G3BP2: variants seen among roughly 807,000 people sequenced by gnomAD.
G3BP2 encodes ras GTPase-activating protein-binding protein 2.
Under a neutral mutation model 56.7 loss-of-function variants are expected in G3BP2, and 11 were observed. The ratio of observed to expected loss-of-function variants is 0.19; its 90% CI spans 0.12 to 0.32. The LOEUF (loss-of-function observed/expected upper bound fraction) is 0.32, where lower values mean the gene tolerates loss of function less well. Ranked by LOEUF, G3BP2 falls within the 10% of genes least tolerant of loss-of-function variation. The pLI is 1.00. For synonymous variants in G3BP2, 165 were observed against 191.6 expected (o/e 0.86, Z 1.15); for missense variants, 340 against 610.9 (o/e 0.56, Z 4.67).
intron 3 of G3BP2, among the ~76,000 whole-genome samples, chr4:75,703,765 T>C (rs1719435306): frequency 6.6e-6 from 1 of 152,180 alleles, no homozygotes; most frequent in African/African-American, 2.4e-5. Context: ...GGATGGAAAA[T>C]GATCCTGAGC....
upstream of G3BP2, chr4:75,673,626 A>G: frequency 8.1e-7 from 1 of 1,230,368 alleles, no homozygotes; most frequent in Non-Finnish European, 1.0e-6. Context: ...AAGCCAAGAT[A>G]AGAGTCCGCT....
intron 4 of G3BP2, 134 bp downstream of exon 4, chr4:75,657,423 A>T: frequency 1.6e-6 from 1 of 641,888 alleles, no homozygotes; most frequent in Non-Finnish European, 2.7e-6. Flanking sequence ...ACACGCACTC[A>T]CTCAAACAAC....
rs1274224934 is a variant in G3BP2 at position 75,643,133 on chromosome 4, A to G, written c.*2297T>C. ...TACTGCAGGTGAACAATCACCATGT[A>G]AACTTCTCCATATGATGTTTTAATG... On this transcript the variant is annotated 3_prime_UTR_variant, in exon 12 of 12. Transcript: ENST00000359707. 3.9e-5 allele frequency: 6 copies of G among 152,262 alleles called. No homozygotes were observed. The highest frequency in any genetic ancestry group is 1.2e-4 in the African/African-American group (5 of 41,326). 9.4% of individuals were successfully genotyped at this position (152,262 alleles called of 1,614,324 possible). A position where few individuals can be genotyped will look rare whatever the true frequency, so the allele number is the denominator to read the frequency against.
upstream of G3BP2, among the ~76,000 whole-genome samples, chr4:75,677,503 G>A (rs543417327): frequency 6.6e-6 from 1 of 152,046 alleles, no homozygotes; most frequent in East Asian, 1.9e-4. Flanking sequence ...CCCAGGAGGC[G>A]GAGGTTGTGG....
intron 3 of G3BP2, among the ~76,000 whole-genome samples, chr4:75,707,867 A>G (rs1048790290): frequency 2.6e-5 from 4 of 152,230 alleles, no homozygotes; most frequent in Non-Finnish European, 5.9e-5. Flanking sequence ...CAGAATAAAA[A>G]TGTAAACATT....
intron 1 of G3BP2, among the ~76,000 whole-genome samples, chr4:75,671,133 C>T (rs1424447642): frequency 2.0e-5 from 3 of 152,134 alleles, no homozygotes; most frequent in African/African-American, 7.2e-5. Context: ...TTTATTCTAT[C>T]GGATATAAAA....
chr4:75,690,063 A>G (rs1359567098), intron 3 of G3BP2, among the ~76,000 whole-genome samples: 1 of 152,180 alleles, frequency 6.6e-6, no homozygotes, highest in Non-Finnish European at 1.5e-5. Context: ...TAAATATGTT[A>G]TATTTCAGGA....
intron 1 of G3BP2, among the ~76,000 whole-genome samples, chr4:75,723,469 A>T (rs1720261440): frequency 6.6e-6 from 1 of 152,240 alleles, no homozygotes; most frequent in Non-Finnish European, 1.5e-5. Flanking sequence ...TCTATGTCAC[A>T]GGCACAGAGG....
intron 3 of G3BP2, among the ~76,000 whole-genome samples, chr4:75,690,433 C>CAA (rs34459285): frequency 3.5e-4 from 45 of 127,102 alleles, no homozygotes; most frequent in African/African-American, 4.7e-4. Context: ...ACTCCATCTC[C>CAA]AAAAAAAAAA....
At chr4:75,652,286 A>G (rs943120359) in intron 8 of G3BP2, among the ~76,000 whole-genome samples, 1 of 152,190 alleles carries the variant, frequency 6.6e-6, no homozygotes, top group Non-Finnish European at 1.5e-5. Flanking sequence ...GCAAATACAG[A>G]TAAGATACAT....
intron 3 of G3BP2, among the ~76,000 whole-genome samples, chr4:75,720,315 C>A (rs1159250645): frequency 6.6e-6 from 1 of 150,438 alleles, no homozygotes; most frequent in African/African-American, 2.4e-5. Context: ...GAGATCGAGA[C>A]CACGGAGAAA....
chr4:75,652,121 T>C (rs1434648611), intron 8 of G3BP2, among the ~76,000 whole-genome samples: 1 of 152,238 alleles, frequency 6.6e-6, no homozygotes, highest in Non-Finnish European at 1.5e-5. Flanking sequence ...AAAATTTTTG[T>C]TTTATTAAAG....
At chr4:75,694,960 G>A (rs1390213889) in intron 3 of G3BP2, 33 of 983,936 alleles carry the variant, frequency 3.4e-5, no homozygotes, top group Middle Eastern at 5.2e-4. Context: ...AGGCAGGACT[G>A]TGAGAAGAGG....
intron 3 of G3BP2, among the ~76,000 whole-genome samples, chr4:75,700,568 G>A (rs28546594): frequency 8.2e-5 from 12 of 145,870 alleles, no homozygotes; most frequent in Non-Finnish European, 1.7e-4. Flanking sequence ...CTATAGGCGC[G>A]TGCCACCACA....
Position 75,645,569 on chromosome 4 carries a change from G to A in G3BP2, c.1310C>T (p.Pro437Leu), listed in dbSNP as rs767492113. The change falls in exon 12 of 12, where the codon CCA becomes CTA. Residue 437 changes from proline (P) to leucine (L), a missense_variant. Physicochemically the swap from Pro to Leu is moderately conservative, Grantham distance 98. Around this residue, in one of 4 missense-constraint regions of G3BP2, gnomAD observed 94 missense variants for 173.8 expected, o/e 0.54. Transcript: ENST00000359707. ...CATTCCACCACCCACAATTCCACGT[G>A]GACCACCGGGACCTCGATCATTGCG... ...IRRNDRGPGG[P>L]RGIVGGGMMR... 6.2e-7 allele frequency: 1 copy of A among 1,613,374 alleles called. No homozygotes were observed.
At chr4:75,699,966 C>T (rs978560825) in intron 3 of G3BP2, among the ~76,000 whole-genome samples, 1 of 152,012 alleles carries the variant, frequency 6.6e-6, no homozygotes, top group Non-Finnish European at 1.5e-5. Flanking sequence ...TTCTAATCAT[C>T]GCAAATGTAG....
intron 3 of G3BP2, among the ~76,000 whole-genome samples, chr4:75,709,418 TCAA>T (rs1719670697): frequency 3.1e-4 from 2 of 6,480 alleles, no homozygotes; most frequent in African/African-American, 1.3e-3. Context: ...AGACTCCGTC[TCAA>T]AAAAAAAAAA....
chr4:75,678,393 G>T (rs1733957856), upstream of G3BP2, among the ~76,000 whole-genome samples: 1 of 151,868 alleles, frequency 6.6e-6, no homozygotes, highest in African/African-American at 2.4e-5. Context: ...CTGGCCTCAG[G>T]CCATCCTCTT....
intron 1 of G3BP2, among the ~76,000 whole-genome samples, chr4:75,665,532 GC>G: frequency 6.6e-6 from 1 of 152,034 alleles, no homozygotes; most frequent in Non-Finnish European, 1.5e-5. Context: ...GACTGCTTGA[GC>G]TTAGGAGCTG....
Sources: allele counts gnomAD v4.1 joint callset (sites outside exome capture counted in the v4.1 genomes callset), GRCh38; gene constraint gnomAD v4.1.1; regional missense constraint gnomAD v4.1.1; transcripts MANE v1.5; gene names NCBI Gene and HGNC (gene_info 2026-07-23, HGNC 2026-07-21).